EXTL1: variants seen among roughly 807,000 people sequenced by gnomAD.
EXTL1 encodes exostosin-like 1.
In EXTL1, 43 loss-of-function variants were observed where a neutral mutation model predicts 64.6. The observed-to-expected ratio is 0.67, with a 90% CI of 0.52 to 0.86. EXTL1 has a LOEUF of 0.86. Ranked by LOEUF, EXTL1 falls within the 40% of genes least tolerant of loss-of-function variation. The pLI, the probability that EXTL1 is intolerant of heterozygous loss-of-function variation, is 0.00. For synonymous variants in EXTL1, 352 were observed against 360.5 expected (o/e 0.98, Z 0.27); for missense variants, 766 against 879.0 (o/e 0.87, Z 1.62).
intron 6 of EXTL1, 66 bp from the exon 7 acceptor site, chr1:26,032,330 C>A: frequency 9.4e-7 from 1 of 1,065,992 alleles, no homozygotes; most frequent in Non-Finnish European, 1.4e-6. Context: ...AAAGATCACT[C>A]CTGCCCCTCG....
At chr1:26,029,896 G>C (rs554787022) in intron 3 of EXTL1, among the ~76,000 whole-genome samples, 189 bp downstream of exon 3, 5 of 152,270 alleles carry the variant, frequency 3.3e-5, no homozygotes, top group Admixed American at 1.3e-4. Flanking sequence ...GATTCCTAAG[G>C]GTTCTGAGAG....
intron 1 of EXTL1, 115 bp downstream of exon 1, chr1:26,023,540 C>T: frequency 8.9e-7 from 1 of 1,128,310 alleles, no homozygotes; most frequent in East Asian, 3.1e-5. Flanking sequence ...TCCTGGTAGA[C>T]TTAGGCCTCA....
intron 3 of EXTL1, among the ~76,000 whole-genome samples, chr1:26,029,959 G>A (rs2050264512): frequency 6.6e-6 from 1 of 152,156 alleles, no homozygotes; most frequent in Admixed American, 6.5e-5. Context: ...AATAGGATGA[G>A]CTAGACCAGA....
intron 1 of EXTL1, 87 bp from the exon 2 acceptor site, chr1:26,029,106 G>A: frequency 1.1e-6 from 1 of 907,094 alleles, no homozygotes; most frequent in Non-Finnish European, 1.8e-6. Context: ...GTGCAGGGGT[G>A]TGGGGTTCTC....
In EXTL1 at chr1:26,035,177, C is replaced by T; in HGVS notation, c.1861C>T (p.Pro621Ser). The change falls in exon 11 of 11, where the codon CCG (proline) becomes TCG (serine). Residue 621 changes from proline to serine, a missense_variant. By Grantham distance (74) the Pro-to-Ser change is moderately conservative. Coordinates refer to ENST00000374280, the MANE Select transcript of EXTL1 (RefSeq NM_004455.3). This position sits in a 1 kb window ranked among gnomAD's most constrained non-coding sequence, Gnocchi z 5.3. Reference sequence around the variant, plus strand: ...CTTTCCCTCTTAGGCGCCTGGGGGCCCGGGGCCCAGGCCAAAGCCGCCTGC... The same window carrying T: ...CTTTCCCTCTTAGGCGCCTGGGGGCTCGGGGCCCAGGCCAAAGCCGCCTGC... ...QEAAPLAPGG[P>S]GPRPKPPAPA... is the part of the protein sequence containing the mutation. The T allele has an allele frequency of 6.2e-7, 1 of 1,603,062 alleles. No individual in the cohort carries two copies. The highest frequency in any genetic ancestry group is 8.5e-7 in the Non-Finnish European group (1 of 1,173,924).
intron 6 of EXTL1, chr1:26,032,168 C>T: frequency 2.0e-6 from 1 of 499,960 alleles, no homozygotes; most frequent in South Asian, 2.9e-5. Flanking sequence ...AGTTCTGAAG[C>T]CACAGGTCAC....
rs2050315181 is a variant in EXTL1 at position 26,034,117 on chromosome 1, T to C, written c.1679+261T>C. Among the ~76,000 whole-genome samples, 1 of 152,166 alleles carries C rather than the reference T, an allele frequency of 6.6e-6. No individual in the cohort carries two copies. Among genetic ancestry groups the C allele is most frequent in the Non-Finnish European group, 1.5e-5 (1 of 68,032 alleles). On this transcript the variant is annotated intron_variant, in intron 9 of 10. Coordinates refer to ENST00000374280, the MANE Select transcript of EXTL1 (RefSeq NM_004455.3). The surrounding 1 kb of genome is among the most constrained non-coding windows in gnomAD (Gnocchi z 4.6). ...CCTGGCACAGAGGTTCCACAAATGG[T>C]AGCTATTGTTATTTGAAGTAGAGCC... is the stretch of plus-strand genomic sequence containing the variant.
chr1:26,023,555 C>T, intron 1 of EXTL1, 130 bp downstream of exon 1: 1 of 988,570 alleles, frequency 1.0e-6, no homozygotes, highest in East Asian at 3.2e-5. Flanking sequence ...GCCTCAGCTG[C>T]AGCAGCAGGA....
rs113163020 is a variant in EXTL1 at position 26,022,092 on chromosome 1, T to C, written c.-555T>C. On this transcript the variant is annotated 5_prime_UTR_variant, in exon 1 of 11. Transcript: ENST00000374280. ...CCACAGGGGCCACAGCCCAGAAGCG[T>C]CTGCCAGCGGGCACAGGGGCAGCCA... The C allele has an allele frequency of 2.8e-3, 432 of 153,042 alleles. 3 individuals are homozygous for C. The highest frequency in any genetic ancestry group is 9.9e-3 in the African/African-American group (411 of 41,584). The allele number at this position is 153,042 out of a possible 1,614,324, so 9.5% of individuals were successfully genotyped here.
At chr1:26,032,147 C>T in intron 6 of EXTL1, 1 of 465,582 alleles carries the variant, frequency 2.1e-6, no homozygotes, top group Non-Finnish European at 3.8e-6. Context: ...CTACCACAGA[C>T]AACTCTCTTG....
rs911497719 is a variant in EXTL1, at chr1:26,036,327, G to A, written c.*980G>A. On this transcript the variant is annotated 3_prime_UTR_variant, in exon 11 of 11. Coordinates refer to ENST00000374280, the MANE Select transcript of EXTL1 (RefSeq NM_004455.3). This position sits in a 1 kb window ranked among gnomAD's most constrained non-coding sequence, Gnocchi z 5.2. Reference sequence around the variant, plus strand: ...TTCTAGGTGGGCTGGGCGCGAGCAGGGACTGTCCCGAGCGGTATAGGTGAG... The same window carrying A: ...TTCTAGGTGGGCTGGGCGCGAGCAGAGACTGTCCCGAGCGGTATAGGTGAG... 6.6e-6 allele frequency: 1 copy of A among 152,432 alleles called. No homozygotes were observed. Among genetic ancestry groups the A allele is most frequent in the African/African-American group, 2.4e-5 (1 of 41,430 alleles). The allele number at this position is 152,432 out of a possible 1,614,324, so 9.4% of individuals were successfully genotyped here.
Position 26,025,022 on chromosome 1 carries a change from T to C in EXTL1, c.779+1597T>C, listed in dbSNP as rs1352912275. ...GTGGGTCACCCTCTGAGTAGCATTT[T>C]TGATAAGTTTTATTTCCCAGGGGCG... On this transcript the variant is annotated intron_variant, in intron 1 of 10. Transcript: ENST00000374280. The surrounding 1 kb of genome is among the most constrained non-coding windows in gnomAD (Gnocchi z 5.3). Among the ~76,000 whole-genome samples the C allele has an allele frequency of 2.6e-5, 4 of 152,170 alleles. No individual in the cohort carries two copies. Among genetic ancestry groups the C allele is most frequent in the African/African-American group, 9.7e-5 (4 of 41,428 alleles).
At position 26,035,283 on chromosome 1, in the gene EXTL1, C is replaced by A; in HGVS notation, c.1967C>A (p.Pro656Gln). The A allele has an allele frequency of 6.2e-7, 1 of 1,613,594 alleles. No homozygotes were observed. Among genetic ancestry groups the A allele is most frequent in the South Asian group, 1.1e-5 (1 of 91,078 alleles). ...CTGTCCTCTCGTCTGCGTCTGGACCCGGTGCTGTTTAAGGACCCGGTGTCC... is the reference window on the plus strand; with the variant it reads ...CTGTCCTCTCGTCTGCGTCTGGACCAGGTGCTGTTTAAGGACCCGGTGTCC... The part of the protein sequence containing the change: ...PLLSSRLRLD[P>Q]VLFKDPVSVQ... Residue 656 changes from proline to glutamine, a missense_variant, in exon 11 of 11, where the codon CCG becomes CAG. Coordinates refer to ENST00000374280, the MANE Select transcript of EXTL1 (RefSeq NM_004455.3). This position sits in a 1 kb window ranked among gnomAD's most constrained non-coding sequence, Gnocchi z 5.3.
chr1:26,025,642 A>G lies in EXTL1; in HGVS notation c.779+2217A>G, dbSNP rs1485852462. ...CACCCATTCAAATTGTTATTTATTC[A>G]TTTTTATGAATAGGTAATTCATTCA... On this transcript the variant is annotated intron_variant, in intron 1 of 10. Transcript: ENST00000374280. The surrounding 1 kb of genome is among the most constrained non-coding windows in gnomAD (Gnocchi z 5.3). 6.6e-6 allele frequency among the ~76,000 whole-genome samples: 1 copy of G among 152,168 alleles called. No individual in the cohort carries two copies. Among genetic ancestry groups the G allele is most frequent in the East Asian group, 1.9e-4 (1 of 5,184 alleles).
rs552567663 is a variant in EXTL1, at chr1:26,022,539, C to G, written c.-108C>G. ...TCTTCCCATCTGTACAATGACAGCACAGGACTAGCAGGTCGGTCCCAGCTC... is the reference window on the plus strand; with the variant it reads ...TCTTCCCATCTGTACAATGACAGCAGAGGACTAGCAGGTCGGTCCCAGCTC... On this transcript the variant is annotated 5_prime_UTR_variant, in exon 1 of 11. Transcript: ENST00000374280. The G allele has an allele frequency of 1.6e-5, 14 of 864,780 alleles. No homozygotes were observed. Among genetic ancestry groups the G allele is most frequent in the East Asian group, 9.8e-5 (4 of 40,890 alleles). The allele number at this position is 864,780 out of a possible 1,614,324, so 53.6% of individuals were successfully genotyped here.
In EXTL1 at chr1:26,033,873, T is replaced by C. The variant is rs764404592; in HGVS notation, c.1679+17T>C. 4 of 1,600,864 alleles carry C rather than the reference T, an allele frequency of 2.5e-6. No homozygotes were observed. In the East Asian group the frequency reaches 9.0e-5, roughly 36 times the overall value. On this transcript the variant is annotated intron_variant, in intron 9 of 10. Transcript: ENST00000374280. This position sits in a 1 kb window ranked among gnomAD's most constrained non-coding sequence, Gnocchi z 5.1. ...CTACCATAGGTACAGACCCCTACCC[T>C]GCACAGGGATCAGAGTATCAGAGGA...
At chr1:26,030,330 CTT>C (rs1213800896) in intron 3 of EXTL1, 144 bp from the exon 4 acceptor site, 18,576 of 375,272 alleles carry the variant, frequency 0.05, no homozygotes, top group East Asian at 0.066. Context: ...CTGAATGCTT[CTT>C]TTTTTTTTTT....
chr1:26,023,355 C>A lies in EXTL1; in HGVS notation c.709C>A (p.Arg237Ser). The A allele has an allele frequency of 6.7e-7, 1 of 1,486,740 alleles. No homozygotes were observed. Among genetic ancestry groups the A allele is most frequent in the East Asian group, 2.4e-5 (1 of 41,354 alleles). 92.1% of individuals were successfully genotyped at this position (1,486,740 alleles called of 1,614,324 possible). ...CCTGGAAGAGGAGAGGGGTGGGTGG[C>A]GCACAGCAGACACTGGCTCCTCTGC... ...LALEEERGGW[R>S]TADTGSSACP... The change falls in exon 1 of 11, where the codon CGC (arginine) becomes AGC (serine). Residue 237 changes from arginine to serine, a missense_variant. Transcript: ENST00000374280.
rs763536483 is a variant in EXTL1, at chr1:26,023,074, C to T, written c.428C>T (p.Thr143Ile). The change falls in exon 1 of 11, where the codon ACT becomes ATT. Residue 143 changes from threonine (T) to isoleucine (I), a missense_variant. Physicochemically the swap from Thr to Ile is moderately conservative, Grantham distance 89. Coordinates refer to ENST00000374280, the MANE Select transcript of EXTL1 (RefSeq NM_004455.3). The part of the protein sequence containing the change: ...LLLLLSLDAQ[T>I]GECSSMPLQW... ...CTCCTCCTCAGCCTGGACGCCCAGA[C>T]TGGAGAGTGCAGCTCAATGCCTCTG... 8 of 1,613,580 alleles carry T rather than the reference C, an allele frequency of 5.0e-6. No individual in the cohort carries two copies. In the African/African-American group the frequency reaches 5.3e-5, roughly 11 times the overall value.
Sources: gnomAD v4.1 joint callset for allele counts (sites outside exome capture counted in the v4.1 genomes callset) on GRCh38, gnomAD v4.1.1 for gene constraint, Gnocchi (gnomAD v3.1) non-coding constraint, MANE v1.5 for transcripts, NCBI Gene and HGNC (gene_info 2026-07-23, HGNC 2026-07-21) for gene names.